Variants in ADCY8 observed in about 807,000 individuals in gnomAD.
The protein encoded by ADCY8 is adenylate cyclase type 8.
In ADCY8, 51 loss-of-function variants were observed where a neutral mutation model predicts 119.7. The ratio of observed to expected loss-of-function variants is 0.43; its 90% CI spans 0.34 to 0.54. The LOEUF is 0.54. Ranked by LOEUF, ADCY8 falls within the 20% of genes least tolerant of loss-of-function variation. ADCY8 has a pLI of 0.03. For synonymous variants in ADCY8, 665 were observed against 651.0 expected, an observed-to-expected ratio of 1.02 and a Z score of -0.33; for missense variants, 1,383 against 1,598.8, an observed-to-expected ratio of 0.87 and a Z score of 2.30.
intron 7 of ADCY8, among the ~76,000 whole-genome samples, chr8:130,901,082 T>A (rs1819583529): frequency 6.6e-6 from 1 of 152,200 alleles, no homozygotes; most frequent in Admixed American, 6.5e-5. Context: ...TTAATTCACT[T>A]ATTCAACAAA....
intron 1 of ADCY8, among the ~76,000 whole-genome samples, chr8:131,030,883 T>A (rs558537332): frequency 6.6e-6 from 1 of 152,170 alleles, no homozygotes; most frequent in Non-Finnish European, 1.5e-5. Flanking sequence ...TGGGCAGAGA[T>A]CCCAGGGGAG....
At chr8:130,816,285 T>C (rs1479525578) in intron 13 of ADCY8, among the ~76,000 whole-genome samples, 1 of 152,114 alleles carries the variant, frequency 6.6e-6, no homozygotes, top group Non-Finnish European at 1.5e-5. Flanking sequence ...TAAAAAGAAA[T>C]GAAGACTATC....
At chr8:130,960,977 G>A (rs1242262332) in intron 2 of ADCY8, among the ~76,000 whole-genome samples, 1 of 152,118 alleles carries the variant, frequency 6.6e-6, no homozygotes, top group Non-Finnish European at 1.5e-5. Context: ...GCTGTTCTTA[G>A]GAGAAATTCC....
At chr8:130,844,161 A>G (rs1817228865) in intron 11 of ADCY8, among the ~76,000 whole-genome samples, 1 of 152,168 alleles carries the variant, frequency 6.6e-6, no homozygotes. Context: ...AAGGGGCGTA[A>G]TTCTAAAGTG....
intron 12 of ADCY8, among the ~76,000 whole-genome samples, chr8:130,832,668 CT>C (rs1277788098): frequency 6.6e-6 from 1 of 152,144 alleles, no homozygotes; most frequent in African/African-American, 2.4e-5. Context: ...GAAAAAAGCA[CT>C]TGATCGCCAG....
At chr8:130,787,070 T>C (rs1439315936) in intron 15 of ADCY8, among the ~76,000 whole-genome samples, 2 of 151,944 alleles carry the variant, frequency 1.3e-5, no homozygotes, top group Non-Finnish European at 2.9e-5. Context: ...GGAAAAGAGC[T>C]GAGAGAGGTA....
chr8:130,877,892 G>A (rs562557983), intron 8 of ADCY8, among the ~76,000 whole-genome samples: 68 of 152,156 alleles, frequency 4.5e-4, no homozygotes, highest in African/African-American at 1.6e-3. Context: ...GATTAATGAC[G>A]GTTGGAACCC....
chr8:130,982,164 C>A (rs1043318734), intron 2 of ADCY8, among the ~76,000 whole-genome samples: 4 of 152,220 alleles, frequency 2.6e-5, no homozygotes, highest in Non-Finnish European at 5.9e-5. Flanking sequence ...ATCGGGTAAA[C>A]ACAGTTCTTT....
At chr8:130,964,080 T>C (rs926316668) in intron 2 of ADCY8, among the ~76,000 whole-genome samples, 4 of 152,140 alleles carry the variant, frequency 2.6e-5, no homozygotes, top group African/African-American at 7.2e-5. Context: ...CTCCATGAAG[T>C]TCCCCCAAGT....
chr8:131,012,479 T>C (rs763011648), intron 1 of ADCY8, among the ~76,000 whole-genome samples: 9 of 152,182 alleles, frequency 5.9e-5, no homozygotes, highest in African/African-American at 9.7e-5. Context: ...ACCAGGATCA[T>C]AGAGGAACAG....
At chr8:130,815,231 C>A (rs1221267105) in intron 13 of ADCY8, among the ~76,000 whole-genome samples, 1 of 152,208 alleles carries the variant, frequency 6.6e-6, no homozygotes, top group Non-Finnish European at 1.5e-5. Flanking sequence ...TGACCTTGGA[C>A]TTCTCAGCCT....
In ADCY8 at chr8:130,783,752, G is replaced by A; in HGVS notation, c.3207C>T (p.Ala1069=). 1 of 1,613,848 alleles carries A rather than the reference G, an allele frequency of 6.2e-7. No individual in the cohort carries two copies. The highest frequency in any genetic ancestry group is 1.1e-5 in the South Asian group (1 of 91,032). ...TGATCTCCTGTATGCTTTCTGTCAGGGCGAGTGAGAAGTCAGCCAGAGCAC... is the reference window on the plus strand; with the variant it reads ...TGATCTCCTGTATGCTTTCTGTCAGAGCGAGTGAGAAGTCAGCCAGAGCAC... ...HLCALADFSL[A]LTESIQEINK... is the part of the protein sequence containing the mutation. The change falls in exon 17 of 18, where the codon GCC becomes GCT. Residue 1069 remains alanine (A), a synonymous_variant. Transcript: ENST00000286355.
intron 8 of ADCY8, among the ~76,000 whole-genome samples, chr8:130,879,408 T>C (rs1410035970): frequency 6.6e-6 from 1 of 152,174 alleles, no homozygotes. Context: ...GGCCAAAATA[T>C]GTACTGACAA....
chr8:130,926,345 G>A (rs1279473648), intron 5 of ADCY8, among the ~76,000 whole-genome samples: 1 of 151,480 alleles, frequency 6.6e-6, no homozygotes, highest in Non-Finnish European at 1.5e-5. Flanking sequence ...GGTTTAAAAG[G>A]CTACTGTGCA....
chr8:130,928,428 T>C (rs975424246), intron 5 of ADCY8, among the ~76,000 whole-genome samples: 1 of 152,300 alleles, frequency 6.6e-6, no homozygotes, highest in Admixed American at 6.5e-5. Flanking sequence ...TACATGGCCT[T>C]TATTATTTTG....
chr8:130,974,799 G>C (rs1300987297), intron 2 of ADCY8, among the ~76,000 whole-genome samples: 1 of 152,184 alleles, frequency 6.6e-6, no homozygotes, highest in East Asian at 1.9e-4. Flanking sequence ...GTTAAAAGGA[G>C]AGCATTCTTA....
chr8:130,940,116 C>A (rs1820912828), intron 4 of ADCY8, among the ~76,000 whole-genome samples: 1 of 152,212 alleles, frequency 6.6e-6, no homozygotes, highest in Non-Finnish European at 1.5e-5. Flanking sequence ...TTACACCTAT[C>A]TCAGTCTTCA....
At chr8:131,005,646 G>A (rs955813151) in intron 1 of ADCY8, among the ~76,000 whole-genome samples, 1 of 152,182 alleles carries the variant, frequency 6.6e-6, no homozygotes, top group Non-Finnish European at 1.5e-5. Flanking sequence ...GCTAGCCGAA[G>A]AGGAAGACAG....
intron 14 of ADCY8, 33 bp downstream of exon 14, chr8:130,814,036 C>T: frequency 1.2e-6 from 2 of 1,612,604 alleles, no homozygotes; most frequent in Non-Finnish European, 1.7e-6. Flanking sequence ...CACCACCACC[C>T]TTTCTCACTG....
Sources: allele counts gnomAD v4.1 joint callset (sites outside exome capture counted in the v4.1 genomes callset), GRCh38; gene constraint gnomAD v4.1.1; transcripts MANE v1.5; gene names NCBI Gene and HGNC (gene_info 2026-07-23, HGNC 2026-07-21).